The following SETD2 variants were observed in gnomAD, a reference collection of about 807,000 sequenced individuals.
SETD2 encodes SET domain containing 2, histone lysine methyltransferase, also known as histone-lysine N-methyltransferase SETD2.
Under a neutral mutation model 242.1 loss-of-function variants are expected in SETD2, and 31 were observed. The ratio of observed to expected loss-of-function variants is 0.13; its 90% CI spans 0.10 to 0.17. SETD2 has a LOEUF of 0.17. SETD2 is among the 10% of genes least tolerant of loss of function. The pLI, the probability that SETD2 is intolerant of heterozygous loss-of-function variation, is 1.00. For synonymous variants in SETD2, 1,006 were observed against 1,066.5 expected (o/e 0.94, Z 1.11); for missense variants, 2,481 against 3,046.3 (o/e 0.81, Z 4.37).
chr3:47,139,947 A>G (rs1218410770), intron 1 of SETD2, among the ~76,000 whole-genome samples: 1 of 152,188 alleles, frequency 6.6e-6, no homozygotes, highest in Non-Finnish European at 1.5e-5. Context: ...TCAAACATAC[A>G]AAGAATCCTA....
intron 2 of SETD2, 98 bp from the exon 3 acceptor site, chr3:47,124,646 T>C (rs2106731755): frequency 9.6e-7 from 1 of 1,042,498 alleles, no homozygotes; most frequent in African/African-American, 1.6e-5. Context: ...TGAAAAGCCC[T>C]TTTTAATAAC....
intron 1 of SETD2, among the ~76,000 whole-genome samples, chr3:47,154,099 T>G (rs1160918767): frequency 6.6e-6 from 1 of 152,092 alleles, no homozygotes; most frequent in Non-Finnish European, 1.5e-5. Context: ...CAGAATATTG[T>G]TCAACTATTT....
At position 47,086,394 on chromosome 3, in the gene SETD2, A is replaced by G. The variant is rs1273973604; in HGVS notation, c.5278-80T>C. The G allele has an allele frequency of 2.1e-6, 3 of 1,421,450 alleles. No individual in the cohort carries two copies. The African/African-American group carries it at 4.2e-5, about 20-fold the overall frequency. 88.1% of individuals were successfully genotyped at this position (1,421,450 alleles called of 1,614,324 possible). A position where few individuals can be genotyped will look rare whatever the true frequency, so the allele number is the denominator to read the frequency against. On this transcript the variant is annotated intron_variant, in intron 10 of 20. Transcript: ENST00000409792. ...ATTACAAAGAGCCCGAGGAGAGTTC[A>G]TGTATACGTTACACATTATAGGGTT...
At chr3:47,125,647 C>T (rs2043302747) in intron 2 of SETD2, among the ~76,000 whole-genome samples, 3 of 152,142 alleles carry the variant, frequency 2.0e-5, no homozygotes, top group Admixed American at 6.5e-5. Flanking sequence ...ACTGTCTCTG[C>T]CTGGGCCCCC....
intron 18 of SETD2, 150 bp downstream of exon 18, chr3:47,037,516 C>A: frequency 1.7e-6 from 1 of 591,508 alleles, no homozygotes; most frequent in Non-Finnish European, 3.0e-6. Context: ...AAAGGCCATT[C>A]TTTCTCCCTG....
chr3:47,064,830 A>T (rs1015565287), intron 13 of SETD2, among the ~76,000 whole-genome samples: 3 of 149,062 alleles, frequency 2.0e-5, no homozygotes, highest in African/African-American at 7.3e-5. Context: ...TATAAGCATT[A>T]TATATTATAA....
intron 14 of SETD2, among the ~76,000 whole-genome samples, chr3:47,059,411 C>G (rs559707777): frequency 6.7e-6 from 1 of 150,336 alleles, no homozygotes; most frequent in Admixed American, 6.6e-5. Context: ...CCACTGCGCT[C>G]GGCCGCAAAT....
chr3:47,124,045 G>C lies in SETD2; in HGVS notation c.591C>G (p.Ala197=). The C allele has an allele frequency of 6.4e-7, 1 of 1,552,046 alleles. No individual in the cohort carries two copies. The highest frequency in any genetic ancestry group is 8.7e-7 in the Non-Finnish European group (1 of 1,147,074). Residue 197 remains alanine, a synonymous_variant, in exon 3 of 21, where the codon GCC becomes GCG. Transcript: ENST00000409792. ...PSSPPPPPPP[A]QATTLSSPAP... Reference sequence around the variant, plus strand: ...CTGGTGATGAGAGTGTTGTGGCTTGGGCAGGTGGAGGCGGTGGAGGCGGAG... The same window carrying C: ...CTGGTGATGAGAGTGTTGTGGCTTGCGCAGGTGGAGGCGGTGGAGGCGGAG...
At chr3:47,060,562 G>A (rs1040615352) in intron 14 of SETD2, among the ~76,000 whole-genome samples, 15 of 152,064 alleles carry the variant, frequency 9.9e-5, no homozygotes, top group Non-Finnish European at 2.9e-5. Context: ...CAAGTAAATG[G>A]TGCTGGGACA....
chr3:47,090,320 T>C (rs2041745625), intron 9 of SETD2, among the ~76,000 whole-genome samples: 1 of 152,120 alleles, frequency 6.6e-6, no homozygotes, highest in African/African-American at 2.4e-5. Context: ...ATAAAATAAC[T>C]TGAATTTGAT....
chr3:47,150,600 G>C lies in SETD2; in HGVS notation c.71+13254C>G, dbSNP rs565455820. Reference sequence around the variant, plus strand: ...CATACCAACAGAAGAAGCATAAAAAGTGCTATGAGCACCAAGTCACTGCCA... The same window carrying C: ...CATACCAACAGAAGAAGCATAAAAACTGCTATGAGCACCAAGTCACTGCCA... On this transcript the variant is annotated intron_variant, in intron 1 of 20. Coordinates refer to ENST00000409792, the MANE Select transcript of SETD2 (RefSeq NM_014159.7). Among the ~76,000 whole-genome samples, 177 of 152,190 alleles carry C rather than the reference G, an allele frequency of 1.2e-3. 1 individual carries two copies. The highest frequency in any genetic ancestry group is 3.9e-3 in the African/African-American group (163 of 41,522).
chr3:47,116,123 C>A (rs2042843402), intron 4 of SETD2, among the ~76,000 whole-genome samples: 1 of 150,394 alleles, frequency 6.6e-6, no homozygotes, highest in South Asian at 2.1e-4. Context: ...CAAATCCAAG[C>A]AAGTATATAG....
At chr3:47,141,537 C>CT (rs1207104120) in intron 1 of SETD2, among the ~76,000 whole-genome samples, 11 of 152,112 alleles carry the variant, frequency 7.2e-5, no homozygotes, top group African/African-American at 2.7e-4. Context: ...CAAGGTCTCT[C>CT]TTTTTATACA....
At chr3:47,082,494 G>A (rs2041359756) in intron 12 of SETD2, among the ~76,000 whole-genome samples, 1 of 152,162 alleles carries the variant, frequency 6.6e-6, no homozygotes, top group Non-Finnish European at 1.5e-5. Context: ...TCCATCAAGT[G>A]ACTATCCCAG....
Position 47,122,544 on chromosome 3 carries a change from A to G in SETD2, c.2092T>C (p.Ser698Pro), listed in dbSNP as rs763707504. The change falls in exon 3 of 21, where the codon TCT becomes CCT. Residue 698 changes from serine to proline, a missense_variant. Physicochemically the swap from Ser to Pro is moderately conservative, Grantham distance 74. Transcript: ENST00000409792. ...TCCGATCCAGTCACACTATCATCAGAAGTCATTAAAACAGCATCAGTTTTA... is the reference window on the plus strand; with the variant it reads ...TCCGATCCAGTCACACTATCATCAGGAGTCATTAAAACAGCATCAGTTTTA... Reference protein sequence around the residue: ...TSKTDAVLMTSDDSVTGSELS... With the variant: ...TSKTDAVLMTPDDSVTGSELS... 6.2e-7 allele frequency: 1 copy of G among 1,614,146 alleles called. No individual in the cohort carries two copies. The highest frequency in any genetic ancestry group is 2.2e-5 in the East Asian group (1 of 44,866).
chr3:47,133,917 CT>C (rs1461428561), intron 1 of SETD2, among the ~76,000 whole-genome samples: 2 of 152,082 alleles, frequency 1.3e-5, no homozygotes, highest in Non-Finnish European at 2.9e-5. Context: ...GACAGGAAAA[CT>C]GATAACAAAA....
chr3:47,039,326 T>A (rs2039167386), intron 17 of SETD2, among the ~76,000 whole-genome samples: 1 of 151,978 alleles, frequency 6.6e-6, no homozygotes, highest in Non-Finnish European at 1.5e-5. Flanking sequence ...GTGATTCTCC[T>A]GCCTCAGCCT....
chr3:47,164,346 G>A (rs1269858384), upstream of SETD2, among the ~76,000 whole-genome samples: 1 of 152,020 alleles, frequency 6.6e-6, no homozygotes. The surrounding 1 kb of genome is among the most constrained non-coding windows in gnomAD (Gnocchi z 5.4). Context: ...CAGTGATGTG[G>A]GCCAGACCGG....
In SETD2 at chr3:47,149,423, G is replaced by A. The variant is rs74454518; in HGVS notation, c.71+14431C>T. ...AAAAAGTTGGGAGCCACAGAAATGA[G>A]GAATTATTAGATATAGTAGAAGGAC... On this transcript the variant is annotated intron_variant, in intron 1 of 20. Coordinates refer to ENST00000409792, the MANE Select transcript of SETD2 (RefSeq NM_014159.7). Among the ~76,000 whole-genome samples, 1,504 of 151,636 alleles carry A rather than the reference G, an allele frequency of 9.9e-3. 31 individuals are homozygous for A. Among genetic ancestry groups the A allele is most frequent in the African/African-American group, 0.035 (1,450 of 41,328 alleles).
Sources: gnomAD v4.1 joint callset for allele counts (sites outside exome capture counted in the v4.1 genomes callset) on GRCh38, gnomAD v4.1.1 for gene constraint, Gnocchi (gnomAD v3.1) non-coding constraint, MANE v1.5 for transcripts, NCBI Gene and HGNC (gene_info 2026-07-23, HGNC 2026-07-21) for gene names.